USH2A: variants seen among roughly 807,000 people sequenced by gnomAD.
USH2A encodes the protein usherin.
Under a neutral mutation model 538.9 loss-of-function variants are expected in USH2A, and 443 were observed. That is an observed-to-expected ratio of 0.82 (90% confidence interval 0.76 to 0.89). The LOEUF (loss-of-function observed/expected upper bound fraction) is 0.89, where lower values mean the gene tolerates loss of function less well. USH2A is among the 40% of genes least tolerant of loss of function. The probability of loss-of-function intolerance (pLI) is 0.00; values close to 1 mark genes in which losing one functional copy is unlikely to be tolerated. For synonymous variants in USH2A, 2,413 were observed against 2,273.5 expected (o/e 1.06, Z -1.75); for missense variants, 6,633 against 6,324.8 (o/e 1.05, Z -1.65).
chr1:215,650,474 C>A, intron 65 of USH2A, 118 bp downstream of exon 65: 1 of 1,213,240 alleles, frequency 8.2e-7, no homozygotes, highest in Non-Finnish European at 1.2e-6. Context: ...CACCGTAGAG[C>A]AACTGAGAAC....
At chr1:216,082,377 A>C (rs976081195) in intron 26 of USH2A, among the ~76,000 whole-genome samples, 1 of 151,430 alleles carries the variant, frequency 6.6e-6, no homozygotes, top group South Asian at 2.1e-4. Context: ...ATATTTAAAA[A>C]AGCAGAAATT....
chr1:216,294,684 A>G (rs2037069877), intron 9 of USH2A, among the ~76,000 whole-genome samples: 1 of 151,946 alleles, frequency 6.6e-6, no homozygotes, highest in Admixed American at 6.5e-5. Context: ...AATTAAACTC[A>G]TACTCACACC....
intron 37 of USH2A, among the ~76,000 whole-genome samples, chr1:215,956,944 C>T (rs1667082411): frequency 6.6e-6 from 1 of 151,956 alleles, no homozygotes; most frequent in South Asian, 2.1e-4. Context: ...TTCTATAGCC[C>T]AATATTTGAA....
intron 14 of USH2A, among the ~76,000 whole-genome samples, chr1:216,229,831 G>A (rs929685073): frequency 1.3e-5 from 2 of 152,126 alleles, no homozygotes; most frequent in African/African-American, 4.8e-5. Context: ...AAGTAAGGTG[G>A]GGAGTGAGAG....
chr1:215,830,374 G>A (rs79825305), intron 47 of USH2A, among the ~76,000 whole-genome samples: 3,654 of 152,202 alleles, frequency 0.024, 55 homozygotes, highest in Non-Finnish European at 0.027. Flanking sequence ...AAGCCCCAAC[G>A]GGGGGAAAAA....
rs35816736 is a variant in USH2A, at chr1:215,873,801, C to CAA, written c.8681+3955_8681+3956dup. On this transcript the variant is annotated intron_variant, in intron 43 of 71. Transcript: ENST00000307340. Reference sequence around the variant, plus strand: ...GAGGTCTCCATCCAAATTGTCATTGCAAAAAAAAAAAAAAATACTCTGAGA... The same window carrying CAA: ...GAGGTCTCCATCCAAATTGTCATTGCAAAAAAAAAAAAAAAAATACTCTGAGA... 9.3e-3 allele frequency among the ~76,000 whole-genome samples: 1,190 copies of CAA among 127,658 alleles called. 18 individuals carry two copies. Among genetic ancestry groups the CAA allele is most frequent in the African/African-American group, 0.03 (1,093 of 36,166 alleles). 83.7% of individuals were successfully genotyped at this position (127,658 alleles called of 152,430 possible). A position where few individuals can be genotyped will look rare whatever the true frequency, so the allele number is the denominator to read the frequency against.
chr1:216,141,079 C>T (rs2033592481), intron 21 of USH2A, among the ~76,000 whole-genome samples: 1 of 152,188 alleles, frequency 6.6e-6, no homozygotes, highest in Non-Finnish European at 1.5e-5. Context: ...ACTCAAATTA[C>T]AGTTTTCATT....
intron 47 of USH2A, among the ~76,000 whole-genome samples, chr1:215,834,101 C>G (rs988338776): frequency 6.6e-6 from 1 of 152,114 alleles, no homozygotes; most frequent in Admixed American, 6.5e-5. Flanking sequence ...AACTTGAACT[C>G]TCATACAATG....
chr1:216,231,683 G>C (rs1227064197), intron 14 of USH2A, among the ~76,000 whole-genome samples: 1 of 151,866 alleles, frequency 6.6e-6, no homozygotes, highest in Non-Finnish European at 1.5e-5. Context: ...GAGTAGTTGG[G>C]ACTACAGGTG....
At chr1:216,205,491 C>A (rs2035091452) in intron 16 of USH2A, among the ~76,000 whole-genome samples, 1 of 152,122 alleles carries the variant, frequency 6.6e-6, no homozygotes, top group African/African-American at 2.4e-5. Context: ...ACATAAGAAA[C>A]TAAATTCCAG....
intron 61 of USH2A, among the ~76,000 whole-genome samples, chr1:215,682,440 C>T (rs557438555): frequency 6.6e-6 from 1 of 152,256 alleles, no homozygotes; most frequent in South Asian, 2.1e-4. Flanking sequence ...TACTATCAAA[C>T]ACTTTTGGTA....
intron 71 of USH2A, 106 bp from the exon 72 acceptor site, chr1:215,625,976 G>C (rs1054053187): frequency 2.1e-5 from 24 of 1,141,912 alleles, no homozygotes; most frequent in Non-Finnish European, 3.1e-5. Flanking sequence ...AGTATTAAAG[G>C]CTTTTTTATT....
In USH2A at chr1:215,766,802, G is replaced by C. The variant is rs1426210550; in HGVS notation, c.10940-14C>G. ...ATGGCTGGAGACCTAGAAAAAGCAA[G>C]CAAGAAATAAAGTGCACCTTAAGAG... On this transcript the variant is annotated splice_polypyrimidine_tract_variant and intron_variant, in intron 55 of 71. Transcript: ENST00000307340. 5 of 1,608,000 alleles carry C rather than the reference G, an allele frequency of 3.1e-6. No individual in the cohort carries two copies. The African/African-American group carries it at 6.7e-5, about 22-fold the overall frequency.
rs2030611735 is a variant in USH2A, at chr1:216,048,411, A to G, written c.6163+123T>C. On this transcript the variant is annotated intron_variant, in intron 31 of 71. Transcript: ENST00000307340. Reference sequence around the variant, plus strand: ...AAAATGGAGCAATTATGGCCTGGCAATGCACTTTGTCATCAAATTAGGTTG... The same window carrying G: ...AAAATGGAGCAATTATGGCCTGGCAGTGCACTTTGTCATCAAATTAGGTTG... 7.2e-6 allele frequency: 7 copies of G among 971,224 alleles called. No homozygotes were observed. The South Asian group carries it at 7.9e-5, about 11-fold the overall frequency. The allele number at this position is 971,224 out of a possible 1,614,324, so 60.2% of individuals were successfully genotyped here.
chr1:216,074,537 C>T (rs771854899), intron 27 of USH2A, among the ~76,000 whole-genome samples: 1 of 152,154 alleles, frequency 6.6e-6, no homozygotes, highest in Non-Finnish European at 1.5e-5. Context: ...CCTTCTAACA[C>T]ATTAAGTTGC....
intron 9 of USH2A, among the ~76,000 whole-genome samples, chr1:216,312,450 C>T (rs920125118): frequency 2.6e-5 from 4 of 152,078 alleles, no homozygotes; most frequent in African/African-American, 7.2e-5. Flanking sequence ...GTAGCTGTCT[C>T]ACAGTTCTTA....
intron 30 of USH2A, 139 bp downstream of exon 30, chr1:216,069,962 G>C: frequency 1.0e-6 from 1 of 1,004,134 alleles, no homozygotes; most frequent in Non-Finnish European, 1.5e-6. Context: ...CACTACTTTA[G>C]ATGGGTGTTG....
intron 31 of USH2A, among the ~76,000 whole-genome samples, chr1:216,047,206 T>A (rs1176954776): frequency 6.6e-6 from 1 of 152,156 alleles, no homozygotes; most frequent in Non-Finnish European, 1.5e-5. Context: ...TTTAGAAGTT[T>A]GGGAATGTCT....
rs12061989 is a variant in USH2A at position 215,842,195 on chromosome 1, G to C, written c.9258+2099C>G. Among the ~76,000 whole-genome samples the C allele has an allele frequency of 3.2e-3, 486 of 152,080 alleles. 3 individuals are homozygous for C. Among genetic ancestry groups the C allele is most frequent in the African/African-American group, 0.01 (429 of 41,518 alleles). On this transcript the variant is annotated intron_variant, in intron 46 of 71. Coordinates refer to ENST00000307340, the MANE Select transcript of USH2A (RefSeq NM_206933.4). Reference sequence around the variant, plus strand: ...ACACAAAAGAATAACCTGGTGTGGTGGTGGGCACCTGGAGCTCAACATAAC... The same window carrying C: ...ACACAAAAGAATAACCTGGTGTGGTCGTGGGCACCTGGAGCTCAACATAAC...
Sources: allele counts gnomAD v4.1 joint callset (sites outside exome capture counted in the v4.1 genomes callset), GRCh38; gene constraint gnomAD v4.1.1; transcripts MANE v1.5; gene names NCBI Gene and HGNC (gene_info 2026-07-23, HGNC 2026-07-21).